PREX1: variants seen among roughly 807,000 people sequenced by gnomAD.
The protein encoded by PREX1 is phosphatidylinositol-3,4,5-trisphosphate dependent Rac exchange factor 1.
Under a neutral mutation model 198.3 loss-of-function variants are expected in PREX1, and 41 were observed. The observed-to-expected ratio is 0.21, with a 90% CI of 0.16 to 0.27. PREX1 has a LOEUF of 0.27. Among genes scored for constraint, PREX1 ranks in the 10% least tolerant of loss-of-function variants. PREX1 has a pLI of 1.00. For missense variants in PREX1, 1,620 were observed against 2,200.7 expected (o/e 0.74, Z 5.28); for synonymous variants, 843 against 887.2 (o/e 0.95, Z 0.89).
At chr20:48,648,972 C>G (rs2089471047) in intron 25 of PREX1, among the ~76,000 whole-genome samples, 1 of 152,174 alleles carries the variant, frequency 6.6e-6, no homozygotes, top group Non-Finnish European at 1.5e-5. Context: ...AAAGTTCTCT[C>G]CAGAATCTTT....
chr20:48,702,249 G>A (rs941577034), intron 6 of PREX1, among the ~76,000 whole-genome samples: 1 of 151,820 alleles, frequency 6.6e-6, no homozygotes, highest in Non-Finnish European at 1.5e-5. Context: ...GGGCAGGGAT[G>A]GGAAGGTCCT....
the PREX1 span, among the ~76,000 whole-genome samples, chr20:48,845,430 G>A: frequency 4.6e-5 from 7 of 152,142 alleles, no homozygotes; most frequent in Admixed American, 2.0e-4. Context: ...TAGGCTGGGC[G>A]CAGTGGCTCA....
chr20:48,683,168 A>G (rs985670450), intron 10 of PREX1, among the ~76,000 whole-genome samples: 1 of 152,204 alleles, frequency 6.6e-6, no homozygotes, highest in Non-Finnish European at 1.5e-5. Flanking sequence ...GGAGGGGAAC[A>G]GATGTTTGAG....
intron 12 of PREX1, 91 bp downstream of exon 12, chr20:48,679,560 G>T: frequency 7.0e-7 from 1 of 1,422,332 alleles, no homozygotes; most frequent in Non-Finnish European, 9.9e-7. Context: ...AGGCAAACAA[G>T]CCAAGGGGCA....
intron 1 of PREX1, among the ~76,000 whole-genome samples, chr20:48,801,240 G>A (rs923378799): frequency 2.6e-5 from 4 of 152,150 alleles, no homozygotes; most frequent in South Asian, 4.1e-4. Flanking sequence ...GAAACCATGC[G>A]AGCTGCGTAA....
the PREX1 span, among the ~76,000 whole-genome samples, chr20:48,866,099 C>T: frequency 6.6e-6 from 1 of 152,084 alleles, no homozygotes. Flanking sequence ...CAAGTGTGTG[C>T]CACCATACCT....
intron 3 of PREX1, among the ~76,000 whole-genome samples, chr20:48,744,124 C>T (rs892942816): frequency 1.3e-5 from 2 of 152,148 alleles, no homozygotes; most frequent in Admixed American, 6.5e-5. Context: ...GTTGTCGGGG[C>T]TGTCATGTGC....
At chr20:48,689,782 A>T (rs2089807388) in intron 9 of PREX1, among the ~76,000 whole-genome samples, 1 of 152,248 alleles carries the variant, frequency 6.6e-6, no homozygotes, top group South Asian at 2.1e-4. Flanking sequence ...AACGTTTAGG[A>T]TCAGAAAATG....
intron 13 of PREX1, 22 bp downstream of exon 13, chr20:48,679,338 G>C (rs1601070247): frequency 6.2e-7 from 1 of 1,604,092 alleles, no homozygotes; most frequent in Middle Eastern, 1.7e-4. Flanking sequence ...GGTGAAATTG[G>C]AGCTTGGAAA....
At chr20:48,803,905 T>C (rs902870547) in intron 1 of PREX1, among the ~76,000 whole-genome samples, 1 of 152,228 alleles carries the variant, frequency 6.6e-6, no homozygotes, top group Non-Finnish European at 1.5e-5. Flanking sequence ...AAGTCTTTTT[T>C]TGTTTGTCTG....
At chr20:48,672,744 C>G (rs1478102950) in intron 14 of PREX1, among the ~76,000 whole-genome samples, 1 of 152,230 alleles carries the variant, frequency 6.6e-6, no homozygotes, top group African/African-American at 2.4e-5. Context: ...GCTCAAATGT[C>G]CCTCCTCAGT....
chr20:48,709,343 G>C (rs1264366566), intron 5 of PREX1, among the ~76,000 whole-genome samples: 1 of 152,178 alleles, frequency 6.6e-6, no homozygotes, highest in East Asian at 1.9e-4. Context: ...CGACGATCCA[G>C]ATAACATCCC....
At chr20:48,741,267 C>T (rs1331091540) in intron 3 of PREX1, among the ~76,000 whole-genome samples, 3 of 152,330 alleles carry the variant, frequency 2.0e-5, no homozygotes, top group African/African-American at 7.2e-5. Flanking sequence ...CTGGCACAGT[C>T]GTGACCTTGA....
At chr20:48,636,968 G>T (rs2089370241) in intron 31 of PREX1, among the ~76,000 whole-genome samples, 1 of 152,222 alleles carries the variant, frequency 6.6e-6, no homozygotes, top group African/African-American at 2.4e-5. Context: ...TTTCCTAAGG[G>T]TTTCCCAAGA....
At chr20:48,882,821 C>T in the PREX1 span, among the ~76,000 whole-genome samples, 1 of 151,798 alleles carries the variant, frequency 6.6e-6, no homozygotes, top group East Asian at 1.9e-4. Context: ...TTTGCATTTT[C>T]CCAGTGATAA....
At chr20:48,705,635 G>A (rs1404738925) in intron 6 of PREX1, among the ~76,000 whole-genome samples, 1 of 152,194 alleles carries the variant, frequency 6.6e-6, no homozygotes, top group African/African-American at 2.4e-5. Context: ...ACTACTAACA[G>A]ATAGCATGGA....
chr20:48,796,761 CATAT>C (rs1353128401), intron 1 of PREX1, among the ~76,000 whole-genome samples: 3 of 147,274 alleles, frequency 2.0e-5, no homozygotes, highest in Non-Finnish European at 3.0e-5. Context: ...ATTATATATA[CATAT>C]ATAGTTATAT....
At chr20:48,637,685 C>T (rs1327205904) in intron 31 of PREX1, 26 bp downstream of exon 31, 2 of 1,596,212 alleles carry the variant, frequency 1.3e-6, no homozygotes, top group South Asian at 1.1e-5. Flanking sequence ...GGGTATGTGC[C>T]CCCCACACAC....
intron 14 of PREX1, among the ~76,000 whole-genome samples, chr20:48,675,694 G>A (rs577569215): frequency 9.2e-5 from 14 of 152,268 alleles, no homozygotes; most frequent in South Asian, 6.2e-4. Flanking sequence ...TAGTGGTGAC[G>A]GTTGCACAAC....
Sources: allele counts gnomAD v4.1 joint callset (sites outside exome capture counted in the v4.1 genomes callset), GRCh38; gene constraint gnomAD v4.1.1; transcripts MANE v1.5; gene names NCBI Gene and HGNC (gene_info 2026-07-23, HGNC 2026-07-21).